The following PIK3R6 variants were observed in gnomAD, a reference collection of about 807,000 sequenced individuals.
The protein encoded by PIK3R6 is phosphoinositide 3-kinase regulatory subunit 6.
A neutral mutation model predicts 84.9 loss-of-function variants in PIK3R6; 91 were observed. That is an observed-to-expected ratio of 1.07 (90% CI 0.90 to 1.28). PIK3R6 has a LOEUF of 1.28. PIK3R6 is among the 50% of genes most tolerant of loss of function. PIK3R6 has a pLI of 0.00. For missense variants in PIK3R6, 996 were observed against 985.1 expected, an observed-to-expected ratio of 1.01 and a Z score of -0.15; for synonymous variants, 416 against 411.4, an observed-to-expected ratio of 1.01 and a Z score of -0.13.
chr17:8,858,705 G>A (rs1211321636), intron 1 of PIK3R6, among the ~76,000 whole-genome samples: 3 of 152,158 alleles, frequency 2.0e-5, no homozygotes, highest in African/African-American at 7.2e-5. Flanking sequence ...GGCGAGGGTA[G>A]CCCTATCCTA....
intron 1 of PIK3R6, among the ~76,000 whole-genome samples, chr17:8,855,726 C>T (rs997951806): frequency 2.6e-5 from 4 of 152,194 alleles, no homozygotes; most frequent in Non-Finnish European, 4.4e-5. Context: ...AATTCTCATA[C>T]GTTACTGGTG....
At chr17:8,832,245 G>C (rs2151252091) in intron 9 of PIK3R6, among the ~76,000 whole-genome samples, 1 of 152,212 alleles carries the variant, frequency 6.6e-6, no homozygotes, top group Non-Finnish European at 1.5e-5. Flanking sequence ...TAAGTTGACT[G>C]TGAGGTTTCA....
chr17:8,840,202 C>T (rs1022310625), intron 2 of PIK3R6, among the ~76,000 whole-genome samples: 7 of 139,880 alleles, frequency 5.0e-5, no homozygotes, highest in African/African-American at 1.9e-4. Context: ...TATATATAGC[C>T]TCCAAATATA....
Position 8,839,478 on chromosome 17 carries a change from G to T in PIK3R6, c.97+136C>A. 1.7e-6 allele frequency: 1 copy of T among 603,878 alleles called. No individual in the cohort carries two copies. The allele number at this position is 603,878 out of a possible 1,614,324, so 37.4% of individuals were successfully genotyped here. A position where few individuals can be genotyped will look rare whatever the true frequency, so the allele number is the denominator to read the frequency against. ...GTCCTTCAGGCTCTAGGTATTTCCA[G>T]CAGGAAAGGGGTTTGGTGAGACGAC... On this transcript the variant is annotated intron_variant, in intron 3 of 19. Coordinates refer to ENST00000619866, the MANE Select transcript of PIK3R6 (RefSeq NM_001010855.4). The surrounding 1 kb of genome is among the most constrained non-coding windows in gnomAD (Gnocchi z 4.2).
intron 1 of PIK3R6, among the ~76,000 whole-genome samples, chr17:8,851,052 AAAG>A (rs1243810577): frequency 6.6e-6 from 1 of 152,116 alleles, no homozygotes. Flanking sequence ...AAGCATGGAG[AAAG>A]AAGAGAAGAT....
intron 18 of PIK3R6, among the ~76,000 whole-genome samples, chr17:8,814,110 T>A (rs552189622): frequency 1.9e-3 from 292 of 151,878 alleles, no homozygotes; most frequent in African/African-American, 6.7e-3. Flanking sequence ...GATACTGACA[T>A]CTGGGATCCC....
At position 8,842,311 on chromosome 17, in the gene PIK3R6, T is replaced by C. The variant is rs565791614; in HGVS notation, c.14-2614A>G. On this transcript the variant is annotated intron_variant, in intron 2 of 19. Coordinates refer to ENST00000619866, the MANE Select transcript of PIK3R6 (RefSeq NM_001010855.4). This position sits in a 1 kb window ranked among gnomAD's most constrained non-coding sequence, Gnocchi z 4.5. The stretch of plus-strand genomic sequence containing the variant: ...CACGCCTCCCAGCCAAAATACACGG[T>C]ATGGTAGTGGTTCTAAAGCAGGACC... 2.0e-5 allele frequency among the ~76,000 whole-genome samples: 3 copies of C among 152,088 alleles called. No individual in the cohort carries two copies. Among genetic ancestry groups the C allele is most frequent in the Admixed American group, 6.6e-5 (1 of 15,256 alleles).
intron 18 of PIK3R6, among the ~76,000 whole-genome samples, chr17:8,808,517 A>C (rs1478746916): frequency 6.6e-6 from 1 of 152,228 alleles, no homozygotes; most frequent in Non-Finnish European, 1.5e-5. Flanking sequence ...TGGCAGAGGC[A>C]AGATCTGAAT....
chr17:8,822,052 C>CTT (rs546514771), intron 16 of PIK3R6, 116 bp from the exon 17 acceptor site: 653 of 411,998 alleles, frequency 1.6e-3, no homozygotes, highest in South Asian at 2.2e-3. Context: ...CTGTGAGAGT[C>CTT]TTTTTTTTTT....
At chr17:8,858,466 G>A (rs59320465) in intron 1 of PIK3R6, among the ~76,000 whole-genome samples, 5,594 of 151,956 alleles carry the variant, frequency 0.037, 326 homozygotes, top group African/African-American at 0.13. Flanking sequence ...ACAGGCACCC[G>A]CCGCCACCCC....
chr17:8,828,477 T>C (rs1261513740), intron 11 of PIK3R6, 90 bp downstream of exon 11: 1 of 1,485,184 alleles, frequency 6.7e-7, no homozygotes, highest in African/African-American at 1.4e-5. Context: ...TGACCCTCTC[T>C]TGCCACCCTG....
At chr17:8,817,760 C>G (rs1304780780) in intron 18 of PIK3R6, among the ~76,000 whole-genome samples, 1 of 152,160 alleles carries the variant, frequency 6.6e-6, no homozygotes, top group East Asian at 1.9e-4. Flanking sequence ...CACAGCAGGA[C>G]ATGTGTAACC....
chr17:8,855,395 G>T (rs563961884), intron 1 of PIK3R6, among the ~76,000 whole-genome samples: 1 of 151,536 alleles, frequency 6.6e-6, no homozygotes, highest in South Asian at 2.1e-4. Context: ...CCCCAAATGG[G>T]CAAAAGATCT....
Position 8,842,749 on chromosome 17 carries a change from C to A in PIK3R6, c.14-3052G>T, listed in dbSNP as rs1465924272. Among the ~76,000 whole-genome samples, 1 of 152,128 alleles carries A rather than the reference C, an allele frequency of 6.6e-6. No homozygotes were observed. The highest frequency in any genetic ancestry group is 1.5e-5 in the Non-Finnish European group (1 of 68,030). On this transcript the variant is annotated intron_variant, in intron 2 of 19. Coordinates refer to ENST00000619866, the MANE Select transcript of PIK3R6 (RefSeq NM_001010855.4). The surrounding 1 kb of genome is among the most constrained non-coding windows in gnomAD (Gnocchi z 4.5). ...AACTTACGGTCAAATTGGGGCCCAGCCTCAAAAATTAGCTCATCTCATGTG... is the reference window on the plus strand; with the variant it reads ...AACTTACGGTCAAATTGGGGCCCAGACTCAAAAATTAGCTCATCTCATGTG...
intron 14 of PIK3R6, 52 bp from the exon 15 acceptor site, chr17:8,823,138 C>T (rs548682673): frequency 7.2e-7 from 1 of 1,390,310 alleles, no homozygotes; most frequent in African/African-American, 1.4e-5. Flanking sequence ...CCAAATCACT[C>T]TATCCCTGAT....
chr17:8,807,313 C>T (rs1207707202), intron 18 of PIK3R6, among the ~76,000 whole-genome samples: 1 of 152,070 alleles, frequency 6.6e-6, no homozygotes, highest in East Asian at 1.9e-4. Flanking sequence ...CCGGTGAGGC[C>T]CTGCTGCAGG....
Position 8,822,592 on chromosome 17 carries a change from G to A in PIK3R6, c.1783C>T (p.Gln595Ter). The change falls in exon 16 of 20, where the codon CAG becomes TAG. Residue 595 changes from glutamine (Q) to a stop codon, truncating the protein, a stop_gained. Transcript: ENST00000619866. LOFTEE classifies it high-confidence loss of function. Reference sequence around the variant, plus strand: ...CCACGTCCATGCACACTGACCTTCTGGTAGCATAGGGAGAGCTCTGCCCCT... The same window carrying A: ...CCACGTCCATGCACACTGACCTTCTAGTAGCATAGGGAGAGCTCTGCCCCT... The part of the protein sequence containing the change: ...GPGAELSLCY[Q>*]KALLSHRPRE... 6.2e-7 allele frequency: 1 copy of A among 1,613,922 alleles called. No homozygotes were observed. Among genetic ancestry groups the A allele is most frequent in the South Asian group, 1.1e-5 (1 of 91,058 alleles).
chr17:8,849,349 A>C (rs12940048), intron 2 of PIK3R6, among the ~76,000 whole-genome samples: 5,221 of 152,280 alleles, frequency 0.034, 150 homozygotes, highest in African/African-American at 0.078. Flanking sequence ...TGACTGGGGG[A>C]AAAGTACCTG....
chr17:8,846,519 G>A (rs1317019314), intron 2 of PIK3R6, among the ~76,000 whole-genome samples: 2 of 152,072 alleles, frequency 1.3e-5, no homozygotes, highest in Non-Finnish European at 1.5e-5. Flanking sequence ...TAGTTTGATA[G>A]GAATAGTGTT....
Sources: gnomAD v4.1 joint callset for allele counts (sites outside exome capture counted in the v4.1 genomes callset) on GRCh38, gnomAD v4.1.1 for gene constraint, Gnocchi (gnomAD v3.1) non-coding constraint, MANE v1.5 for transcripts, NCBI Gene and HGNC (gene_info 2026-07-23, HGNC 2026-07-21) for gene names.